The following GABBR2 variants were observed in gnomAD, a reference collection of about 807,000 sequenced individuals.
GABBR2 encodes the protein gamma-aminobutyric acid type B receptor subunit 2, also known as G-protein coupled receptor 51.
Under a neutral mutation model 105.6 loss-of-function variants are expected in GABBR2, and 23 were observed. The observed-to-expected ratio is 0.22, with a 90% CI of 0.16 to 0.31. The LOEUF is 0.31. Ranked by LOEUF, GABBR2 falls within the 10% of genes least tolerant of loss-of-function variation. The pLI is 1.00. For missense variants in GABBR2, 734 were observed against 1,245.5 expected (o/e 0.59, Z 6.18); for synonymous variants, 478 against 499.7 (o/e 0.96, Z 0.58).
intron 1 of GABBR2, among the ~76,000 whole-genome samples, chr9:98,614,739 G>A (rs1194216800): frequency 3.4e-5 from 5 of 149,160 alleles, no homozygotes; most frequent in African/African-American, 1.2e-4. Context: ...GTGGAGGGAA[G>A]AAGGGGGAAA....
chr9:98,696,858 A>T (rs1244420749), intron 1 of GABBR2, among the ~76,000 whole-genome samples: 1 of 152,178 alleles, frequency 6.6e-6, no homozygotes, highest in Admixed American at 6.5e-5. Flanking sequence ...ACAGACATTT[A>T]AAGTGAGTAG....
chr9:98,336,598 G>A (rs530089519), intron 13 of GABBR2, among the ~76,000 whole-genome samples: 14 of 152,086 alleles, frequency 9.2e-5, no homozygotes, highest in East Asian at 1.9e-4. Context: ...CCAGCTACTC[G>A]GGAGGCTGAG....
chr9:98,400,315 G>A (rs950409578), intron 8 of GABBR2, among the ~76,000 whole-genome samples: 4 of 151,934 alleles, frequency 2.6e-5, no homozygotes, highest in African/African-American at 4.8e-5. Flanking sequence ...GAAACGATAC[G>A]TAAAGTCACA....
intron 9 of GABBR2, among the ~76,000 whole-genome samples, chr9:98,389,960 G>C (rs187257284): frequency 1.3e-5 from 2 of 152,266 alleles, no homozygotes; most frequent in East Asian, 1.9e-4. Flanking sequence ...CAGGGTCCCA[G>C]TTATGCCTCT....
At chr9:98,565,192 A>G (rs1828735232) in intron 2 of GABBR2, among the ~76,000 whole-genome samples, 1 of 152,184 alleles carries the variant, frequency 6.6e-6, no homozygotes, top group Non-Finnish European at 1.5e-5. Flanking sequence ...GGGGTGTCCT[A>G]CACCTGGAAA....
At chr9:98,353,028 A>C (rs766144556) in intron 13 of GABBR2, among the ~76,000 whole-genome samples, 2 of 152,124 alleles carry the variant, frequency 1.3e-5, no homozygotes, top group Non-Finnish European at 2.9e-5. Context: ...AATGGGACCC[A>C]GAGTGAAATC....
At chr9:98,389,578 G>T (rs1401765009) in intron 9 of GABBR2, among the ~76,000 whole-genome samples, 1 of 152,202 alleles carries the variant, frequency 6.6e-6, no homozygotes, top group Non-Finnish European at 1.5e-5. Context: ...GAGTAACTGT[G>T]GGAGGCAGAA....
In GABBR2 at chr9:98,418,093, T is replaced by C. The variant is rs372370289; in HGVS notation, c.1237-11952A>G. On this transcript the variant is annotated intron_variant, in intron 7 of 18. Transcript: ENST00000259455. ...AAATAAGGGGCCACAAAAGGGGTGT[T>C]GGCCAGGAGATAGCAGGTGCAACGA... Among the ~76,000 whole-genome samples, 3 of 152,178 alleles carry C rather than the reference T, an allele frequency of 2.0e-5. No individual in the cohort carries two copies. In the East Asian group the frequency reaches 5.8e-4, roughly 29 times the overall value.
At chr9:98,595,226 G>A (rs935422014) in intron 1 of GABBR2, among the ~76,000 whole-genome samples, 1 of 152,098 alleles carries the variant, frequency 6.6e-6, no homozygotes, top group East Asian at 1.9e-4. Context: ...CACATGGTGG[G>A]AGGGGAGAAC....
chr9:98,357,221 T>C (rs1831499676), intron 13 of GABBR2, among the ~76,000 whole-genome samples: 1 of 152,226 alleles, frequency 6.6e-6, no homozygotes, highest in Non-Finnish European at 1.5e-5. Context: ...ATGCAAGATA[T>C]TAATAACAGG....
intron 2 of GABBR2, among the ~76,000 whole-genome samples, chr9:98,549,266 T>C (rs1828444870): frequency 8.2e-6 from 1 of 122,606 alleles, no homozygotes; most frequent in Admixed American, 8.9e-5. Context: ...GTTTTGATAG[T>C]TTCAAAGGAA....
At chr9:98,569,875 T>C (rs1383107289) in intron 2 of GABBR2, among the ~76,000 whole-genome samples, 1 of 152,172 alleles carries the variant, frequency 6.6e-6, no homozygotes, top group African/African-American at 2.4e-5. Flanking sequence ...TTTAATAAAA[T>C]AATCATTTGA....
intron 3 of GABBR2, among the ~76,000 whole-genome samples, chr9:98,497,357 G>T (rs1827302238): frequency 1.3e-5 from 2 of 152,036 alleles, no homozygotes; most frequent in Admixed American, 6.5e-5. Context: ...TTTTTGAGGG[G>T]AGAAATCAGA....
intron 13 of GABBR2, among the ~76,000 whole-genome samples, chr9:98,362,298 A>G (rs56212033): frequency 0.085 from 13,001 of 152,310 alleles, 684 homozygotes; most frequent in African/African-American, 0.14. Context: ...AAATGTGTGA[A>G]AAGAAATATA....
At chr9:98,476,548 AT>A (rs1296498798) in intron 5 of GABBR2, among the ~76,000 whole-genome samples, 1 of 152,204 alleles carries the variant, frequency 6.6e-6, no homozygotes, top group Non-Finnish European at 1.5e-5. Flanking sequence ...AAATGAGATA[AT>A]TTGTGTATCA....
At chr9:98,451,889 C>G (rs1826236476) in intron 7 of GABBR2, among the ~76,000 whole-genome samples, 1 of 152,220 alleles carries the variant, frequency 6.6e-6, no homozygotes, top group Admixed American at 6.5e-5. Flanking sequence ...GTCTTCATGT[C>G]TAACTCCTGC....
intron 1 of GABBR2, among the ~76,000 whole-genome samples, chr9:98,636,485 C>CTTTTTTT (rs10559312): frequency 1.5e-5 from 1 of 66,174 alleles, no homozygotes. Context: ...TCTTTCCTTT[C>CTTTTTTT]TTTTTTTTTT....
At chr9:98,586,316 T>A (rs1352323017) in intron 1 of GABBR2, among the ~76,000 whole-genome samples, 1 of 151,162 alleles carries the variant, frequency 6.6e-6, no homozygotes, top group African/African-American at 2.4e-5. Context: ...TGTTTGTTTT[T>A]TTAGACAGAC....
intron 7 of GABBR2, among the ~76,000 whole-genome samples, chr9:98,416,209 C>G (rs1832687315): frequency 6.6e-6 from 1 of 152,182 alleles, no homozygotes. Flanking sequence ...CCTGCAGGAG[C>G]TGGCTCCAGC....
Sources: gnomAD v4.1 joint callset for allele counts (sites outside exome capture counted in the v4.1 genomes callset) on GRCh38, gnomAD v4.1.1 for gene constraint, MANE v1.5 for transcripts, NCBI Gene and HGNC (gene_info 2026-07-23, HGNC 2026-07-21) for gene names.